Variants in RIMS2 observed in about 807,000 individuals in gnomAD.
RIMS2 encodes regulating synaptic membrane exocytosis 2.
RIMS2 carries 59 observed loss-of-function variants against 174.4 expected under a neutral mutation model. That is an observed-to-expected ratio of 0.34 (90% CI 0.27 to 0.42). The LOEUF is 0.42. RIMS2 is among the 10% of genes least tolerant of loss of function. The probability of loss-of-function intolerance (pLI) is 1.00; values close to 1 mark genes in which losing one functional copy is unlikely to be tolerated. For synonymous variants in RIMS2, 606 were observed against 572.5 expected (o/e 1.06, Z -0.84); for missense variants, 1,620 against 1,666.3 (o/e 0.97, Z 0.48).
chr8:103,610,923 G>T (rs1430666848), intron 1 of RIMS2, among the ~76,000 whole-genome samples: 2 of 152,126 alleles, frequency 1.3e-5, no homozygotes, highest in Non-Finnish European at 2.9e-5. Flanking sequence ...TATACATCTG[G>T]TAGAATTCAG....
At chr8:103,658,500 T>A (rs1255602393) in intron 1 of RIMS2, among the ~76,000 whole-genome samples, 1 of 152,218 alleles carries the variant, frequency 6.6e-6, no homozygotes, top group Non-Finnish European at 1.5e-5. Flanking sequence ...GCTGTATACT[T>A]TGGTTTGTCA....
At chr8:104,184,218 G>A (rs1293982172) in intron 19 of RIMS2, among the ~76,000 whole-genome samples, 3 of 151,578 alleles carry the variant, frequency 2.0e-5, no homozygotes, top group African/African-American at 7.3e-5. Flanking sequence ...GTTATTACAT[G>A]AAATGTAAGA....
At chr8:104,037,971 T>C (rs946574487) in intron 19 of RIMS2, among the ~76,000 whole-genome samples, 4 of 152,070 alleles carry the variant, frequency 2.6e-5, no homozygotes, top group Admixed American at 2.0e-4. Flanking sequence ...GCCTATAGTA[T>C]TGAATAGAAT....
chr8:103,981,188 G>T (rs1256792397), intron 16 of RIMS2, among the ~76,000 whole-genome samples: 1 of 151,994 alleles, frequency 6.6e-6, no homozygotes, highest in African/African-American at 2.4e-5. Context: ...GTAGCCACAG[G>T]GGTGCTTGCA....
In RIMS2 at chr8:104,021,047, G is replaced by A. The variant is rs138771469; in HGVS notation, c.3334+6432G>A. Among the ~76,000 whole-genome samples the A allele has an allele frequency of 9.0e-4, 137 of 151,922 alleles. 2 individuals are homozygous for A. In the Middle Eastern group the frequency reaches 0.029, roughly 32 times the overall value. ...GATTTTATCAAAAAAGTAACATCCC[G>A]TTCTATATCATAAAATTTGGCCCAT... On this transcript the variant is annotated intron_variant, in intron 19 of 23. Coordinates refer to ENST00000504942, the Ensembl canonical transcript of RIMS2.
intron 2 of RIMS2, among the ~76,000 whole-genome samples, chr8:103,758,711 G>T (rs1026460430): frequency 3.3e-5 from 5 of 152,024 alleles, no homozygotes; most frequent in Admixed American, 2.6e-4. Context: ...AAAATTCTGG[G>T]TGTAGAAACA....
intron 2 of RIMS2, among the ~76,000 whole-genome samples, chr8:103,746,239 A>G (rs1166117323): frequency 1.3e-5 from 2 of 152,136 alleles, no homozygotes. Context: ...CCTTGTTGAA[A>G]ATCAGTTGAC....
At chr8:103,743,928 C>A (rs1030187625) in intron 2 of RIMS2, among the ~76,000 whole-genome samples, 6 of 151,952 alleles carry the variant, frequency 3.9e-5, no homozygotes, top group African/African-American at 1.5e-4. Context: ...TTTTTTTCTC[C>A]TTTAGTCTAT....
At chr8:103,943,288 T>C (rs2082964790) in intron 14 of RIMS2, among the ~76,000 whole-genome samples, 1 of 152,148 alleles carries the variant, frequency 6.6e-6, no homozygotes, top group Non-Finnish European at 1.5e-5. Context: ...AATTATCATT[T>C]CCTCCTTTAT....
At chr8:103,610,127 C>G (rs1000071217) in intron 1 of RIMS2, among the ~76,000 whole-genome samples, 1 of 152,154 alleles carries the variant, frequency 6.6e-6, no homozygotes, top group Middle Eastern at 3.4e-3. Flanking sequence ...ATTTGGCTCT[C>G]TGCTTGGACA....
At chr8:103,785,821 A>T (rs978479935) in intron 3 of RIMS2, among the ~76,000 whole-genome samples, 1 of 152,094 alleles carries the variant, frequency 6.6e-6, no homozygotes, top group Non-Finnish European at 1.5e-5. Flanking sequence ...TTTTCTATTG[A>T]TTGGAATAGT....
chr8:104,012,584 A>G (rs1349543694), intron 17 of RIMS2, among the ~76,000 whole-genome samples: 1 of 152,096 alleles, frequency 6.6e-6, no homozygotes, highest in Non-Finnish European at 1.5e-5. Context: ...TTCTGGAGCC[A>G]AAGCTAGTGT....
chr8:103,580,642 T>G lies in RIMS2; in HGVS notation c.176+79580T>G, dbSNP rs532625249. Among the ~76,000 whole-genome samples, 4 of 152,092 alleles carry G rather than the reference T, an allele frequency of 2.6e-5. No individual in the cohort carries two copies. In the East Asian group the frequency reaches 5.8e-4, roughly 22 times the overall value. On this transcript the variant is annotated intron_variant, in intron 1 of 23. Coordinates refer to ENST00000504942, the Ensembl canonical transcript of RIMS2. ...CATGCAATCTAAGAAGATTTAACCA[T>G]GAAGAAATAGAAAACCTCAAACCAG...
intron 19 of RIMS2, among the ~76,000 whole-genome samples, chr8:104,097,937 T>A (rs1220081861): frequency 6.6e-6 from 1 of 152,108 alleles, no homozygotes; most frequent in Non-Finnish European, 1.5e-5. Flanking sequence ...AAAAAAAAAT[T>A]TACCTCAGAG....
intron 15 of RIMS2, among the ~76,000 whole-genome samples, chr8:103,967,170 G>GTT (rs71575988): frequency 0.012 from 311 of 24,964 alleles, 96 homozygotes; most frequent in African/African-American, 0.026. Context: ...ATCTGTTCTT[G>GTT]TTTTTTTTTT....
chr8:103,640,668 A>G (rs1028421196), intron 1 of RIMS2, among the ~76,000 whole-genome samples: 4 of 152,008 alleles, frequency 2.6e-5, no homozygotes, highest in African/African-American at 7.2e-5. Context: ...ATTTTTCACT[A>G]TAGTTGTGCT....
At position 103,813,389 on chromosome 8, in the gene RIMS2, C is replaced by CTTCTTTCTTTCT. The variant is rs201996486; in HGVS notation, c.698+46867_698+46878dup. Among the ~76,000 whole-genome samples the CTTCTTTCTTTCT allele has an allele frequency of 2.7e-3, 395 of 147,380 alleles. 3 individuals carry two copies. Among genetic ancestry groups the CTTCTTTCTTTCT allele is most frequent in the Middle Eastern group, 7.0e-3 (2 of 284 alleles). The stretch of plus-strand genomic sequence containing the variant: ...TCTTAAATAATTTTAAGAATTTACA[C>CTTCTTTCTTTCT]TTCTTTCTTTCTTTCTTTCTTTCTT... On this transcript the variant is annotated intron_variant, in intron 3 of 23. Coordinates refer to ENST00000504942, the Ensembl canonical transcript of RIMS2.
chr8:103,705,334 A>G (rs189614312), intron 2 of RIMS2, among the ~76,000 whole-genome samples: 1 of 152,196 alleles, frequency 6.6e-6, no homozygotes, highest in Non-Finnish European at 1.5e-5. Flanking sequence ...TACTTTTAAA[A>G]TTTCACTATG....
chr8:103,600,022 T>C (rs1409454888), intron 1 of RIMS2, among the ~76,000 whole-genome samples: 1 of 152,104 alleles, frequency 6.6e-6, no homozygotes, highest in Non-Finnish European at 1.5e-5. Context: ...CCATTAATCA[T>C]CCTCATCTCC....
Sources: allele counts gnomAD v4.1 joint callset (sites outside exome capture counted in the v4.1 genomes callset), GRCh38; gene constraint gnomAD v4.1.1; transcripts MANE v1.5; gene names NCBI Gene and HGNC (gene_info 2026-07-23, HGNC 2026-07-21).